Variants in AK5 observed in about 807,000 individuals in gnomAD.
AK5 encodes the protein adenylate kinase 5.
AK5 carries 27 observed loss-of-function variants against 69.5 expected under a neutral mutation model. The observed-to-expected ratio is 0.39, with a 90% CI of 0.29 to 0.54. The LOEUF is 0.54. AK5 is among the 20% of genes least tolerant of loss of function. The pLI is 0.71. For missense variants in AK5, 531 were observed against 700.4 expected (o/e 0.76, Z 2.73); for synonymous variants, 260 against 244.4 (o/e 1.06, Z -0.60).
At chr1:77,483,033 A>G (rs1655365301) in intron 8 of AK5, among the ~76,000 whole-genome samples, 1 of 96,758 alleles carries the variant, frequency 1.0e-5, no homozygotes, top group Non-Finnish European at 2.0e-5. Flanking sequence ...AAAAAAAAAA[A>G]AAAAAAAGAG....
intron 8 of AK5, among the ~76,000 whole-genome samples, chr1:77,480,239 A>T (rs1655178624): frequency 1.3e-5 from 2 of 152,136 alleles, no homozygotes; most frequent in Admixed American, 1.3e-4. Context: ...ACACCCTCCA[A>T]TCAAACATCT....
At chr1:77,456,723 A>C (rs1188795381) in intron 8 of AK5, among the ~76,000 whole-genome samples, 1 of 152,140 alleles carries the variant, frequency 6.6e-6, no homozygotes, top group Non-Finnish European at 1.5e-5. Context: ...AACCATGCAG[A>C]ATGGGGAAGG....
At chr1:77,416,655 A>G (rs542702769) in intron 7 of AK5, among the ~76,000 whole-genome samples, 17 of 152,172 alleles carry the variant, frequency 1.1e-4, no homozygotes, top group African/African-American at 3.9e-4. Context: ...GTAAGGACAT[A>G]CCCCGACTCA....
intron 10 of AK5, among the ~76,000 whole-genome samples, chr1:77,499,897 TTTTTG>T (rs1263581702): frequency 0.017 from 2,238 of 129,184 alleles, 44 homozygotes; most frequent in African/African-American, 0.056. Context: ...TTTTTTTTTT[TTTTTG>T]GTTTGCTTCT....
intron 7 of AK5, among the ~76,000 whole-genome samples, chr1:77,414,099 A>G (rs910848413): frequency 2.0e-5 from 3 of 152,234 alleles, no homozygotes; most frequent in Admixed American, 6.5e-5. Context: ...CAAGACCTGT[A>G]CAGGTAAAGT....
At chr1:77,459,388 A>T (rs577053572) in intron 8 of AK5, among the ~76,000 whole-genome samples, 14 of 152,162 alleles carry the variant, frequency 9.2e-5, no homozygotes, top group Admixed American at 7.9e-4. Context: ...TGTCTTTGCC[A>T]ATTTATTTCT....
At chr1:77,477,603 T>C (rs1240015169) in intron 8 of AK5, among the ~76,000 whole-genome samples, 1 of 152,220 alleles carries the variant, frequency 6.6e-6, no homozygotes, top group Non-Finnish European at 1.5e-5. Flanking sequence ...AAAAGACTGC[T>C]CCTTACATTA....
chr1:77,329,781 A>G (rs1660992108), intron 5 of AK5, among the ~76,000 whole-genome samples: 1 of 152,074 alleles, frequency 6.6e-6, no homozygotes, highest in African/African-American at 2.4e-5. Flanking sequence ...GCCTCCTCCA[A>G]TCCTAATTTC....
At chr1:77,550,140 A>C (rs1419678689) in intron 13 of AK5, among the ~76,000 whole-genome samples, 1 of 152,064 alleles carries the variant, frequency 6.6e-6, no homozygotes, top group Non-Finnish European at 1.5e-5. Context: ...TTGTAGAGAC[A>C]CTGTATTTCC....
At chr1:77,385,082 A>G (rs1051672372) in intron 6 of AK5, among the ~76,000 whole-genome samples, 4 of 152,180 alleles carry the variant, frequency 2.6e-5, no homozygotes, top group Non-Finnish European at 5.9e-5. Context: ...AGTTTTCTTC[A>G]TGTATCAGTG....
chr1:77,361,800 G>A (rs1557527397), intron 6 of AK5, among the ~76,000 whole-genome samples: 3 of 152,040 alleles, frequency 2.0e-5, no homozygotes, highest in Non-Finnish European at 2.9e-5. Context: ...AGACTCATTC[G>A]CTATGACAAG....
At chr1:77,531,751 C>T (rs1164588630) in intron 12 of AK5, among the ~76,000 whole-genome samples, 6 of 152,062 alleles carry the variant, frequency 3.9e-5, no homozygotes, top group South Asian at 4.1e-4. Flanking sequence ...GCCAGTCCCG[C>T]GCCCTGCGCC....
intron 6 of AK5, among the ~76,000 whole-genome samples, chr1:77,391,429 A>ATATATATGTATATATATATATATG (rs1648433049): frequency 8.3e-6 from 1 of 121,170 alleles, no homozygotes; most frequent in African/African-American, 3.5e-5. Context: ...ATGTATATAT[A>ATATATATGTATATATATATATATG]TACATATATA....
chr1:77,488,166 T>G (rs567765728), intron 10 of AK5, among the ~76,000 whole-genome samples: 21 of 152,292 alleles, frequency 1.4e-4, no homozygotes, highest in African/African-American at 4.8e-4. Context: ...CCTACCTTAG[T>G]TCCAGTTGTC....
At chr1:77,377,026 CT>C (rs1307971861) in intron 6 of AK5, among the ~76,000 whole-genome samples, 1 of 152,228 alleles carries the variant, frequency 6.6e-6, no homozygotes, top group African/African-American at 2.4e-5. Context: ...TATGACTCTA[CT>C]TGAATACTTA....
chr1:77,308,295 A>C (rs1239743084), intron 5 of AK5, among the ~76,000 whole-genome samples: 1 of 151,964 alleles, frequency 6.6e-6, no homozygotes, highest in East Asian at 1.9e-4. Flanking sequence ...AGAGGAGGAG[A>C]TAAGACTGTA....
intron 6 of AK5, among the ~76,000 whole-genome samples, chr1:77,380,369 A>C (rs1160434021): frequency 2.0e-5 from 3 of 152,158 alleles, no homozygotes; most frequent in African/African-American, 7.2e-5. Context: ...AAGGGTAGGT[A>C]ACTGCCTCAA....
intron 2 of AK5, among the ~76,000 whole-genome samples, chr1:77,288,117 G>A (rs1658469459): frequency 6.6e-6 from 1 of 152,220 alleles, no homozygotes. Context: ...TGCTATAAAG[G>A]AAGTTGGAGA....
intron 6 of AK5, among the ~76,000 whole-genome samples, chr1:77,397,974 A>C (rs1270940117): frequency 6.6e-6 from 1 of 152,218 alleles, no homozygotes; most frequent in Non-Finnish European, 1.5e-5. Flanking sequence ...ATCTCTCATC[A>C]TAATGTCCTG....
Sources: allele counts gnomAD v4.1 joint callset (sites outside exome capture counted in the v4.1 genomes callset), GRCh38; gene constraint gnomAD v4.1.1; transcripts MANE v1.5; gene names NCBI Gene and HGNC (gene_info 2026-07-23, HGNC 2026-07-21).